PPCDC: variants seen among roughly 807,000 people sequenced by gnomAD.
The protein encoded by PPCDC is phosphopantothenoylcysteine decarboxylase.
Under a neutral mutation model 20.7 loss-of-function variants are expected in PPCDC, and 20 were observed. That is an observed-to-expected ratio of 0.97 (90% CI 0.68 to 1.41). PPCDC has a LOEUF of 1.41. Ranked by LOEUF, PPCDC falls within the 40% of genes most tolerant of loss-of-function variation. The pLI is 0.00. For missense variants in PPCDC, 246 were observed against 263.8 expected (o/e 0.93, Z 0.47); for synonymous variants, 88 against 100.3 (o/e 0.88, Z 0.73).
chr15:75,027,655 C>T (rs890267160), intron 1 of PPCDC, among the ~76,000 whole-genome samples: 2 of 152,200 alleles, frequency 1.3e-5, no homozygotes, highest in Non-Finnish European at 2.9e-5. Flanking sequence ...CAGCTCCTCT[C>T]GCCCTCCAGT....
intron 4 of PPCDC, among the ~76,000 whole-genome samples, chr15:75,045,517 T>G (rs1195499951): frequency 6.6e-6 from 1 of 152,180 alleles, no homozygotes; most frequent in East Asian, 1.9e-4. Flanking sequence ...TTTCAGAGTT[T>G]CATGTGGTGA....
At chr15:75,044,634 G>A (rs190526702) in intron 4 of PPCDC, 120 bp downstream of exon 4, 11 of 1,344,316 alleles carry the variant, frequency 8.2e-6, no homozygotes, top group South Asian at 2.9e-5. Context: ...CAGGGAGATC[G>A]TGCTCCGCCA....
At chr15:75,038,217 C>T (rs1270937320) in intron 2 of PPCDC, among the ~76,000 whole-genome samples, 3 of 152,234 alleles carry the variant, frequency 2.0e-5, no homozygotes, top group Non-Finnish European at 1.5e-5. Context: ...GAAAGAGTTT[C>T]TTCTTGGTTC....
chr15:75,025,944 A>G (rs1011877000), intron 1 of PPCDC, among the ~76,000 whole-genome samples: 1 of 152,138 alleles, frequency 6.6e-6, no homozygotes, highest in African/African-American at 2.4e-5. Context: ...ACATACACAC[A>G]CACACCCTCT....
chr15:75,036,120 A>C (rs1424136118), intron 2 of PPCDC, among the ~76,000 whole-genome samples: 4 of 152,208 alleles, frequency 2.6e-5, no homozygotes, highest in African/African-American at 9.6e-5. Flanking sequence ...GTGTAAGAGA[A>C]AGCCAAGGAA....
intron 2 of PPCDC, 65 bp downstream of exon 2, chr15:75,028,518 GC>G: frequency 6.3e-7 from 1 of 1,594,712 alleles, no homozygotes; most frequent in Non-Finnish European, 8.6e-7. Flanking sequence ...CCCGGGGATG[GC>G]CCATTGCTCT....
At chr15:75,026,032 G>A (rs1398085542) in intron 1 of PPCDC, among the ~76,000 whole-genome samples, 1 of 152,160 alleles carries the variant, frequency 6.6e-6, no homozygotes, top group Non-Finnish European at 1.5e-5. Context: ...GGACTATAGT[G>A]CCTGCTGTGG....
intron 2 of PPCDC, among the ~76,000 whole-genome samples, chr15:75,041,834 G>A (rs746473739): frequency 3.9e-5 from 6 of 152,144 alleles, no homozygotes; most frequent in Non-Finnish European, 8.8e-5. Context: ...GCGCTGTGCC[G>A]CTGTGTCATC....
chr15:75,043,016 G>C (rs915199332), intron 2 of PPCDC, among the ~76,000 whole-genome samples: 2 of 152,278 alleles, frequency 1.3e-5, no homozygotes, highest in African/African-American at 4.8e-5. Flanking sequence ...AGAGGGCAGA[G>C]CTGCTGTGTG....
intron 2 of PPCDC, among the ~76,000 whole-genome samples, chr15:75,036,867 T>C (rs2066091370): frequency 6.6e-6 from 1 of 152,120 alleles, no homozygotes; most frequent in African/African-American, 2.4e-5. Flanking sequence ...GAAGGAGTTT[T>C]GCCCTGTTGC....
rs74831578 is a variant in PPCDC, at chr15:75,043,521, C to T, written c.216C>T (p.Asp72=). The T allele has an allele frequency of 1.2e-4, 201 of 1,610,414 alleles. 1 individual carries two copies. The East Asian group carries it at 2.5e-3, about 20-fold the overall frequency. The change falls in exon 3 of 6, where the codon GAC becomes GAT. Residue 72 remains aspartate (D), a synonymous_variant. Transcript: ENST00000342932. ...PQDIPVTLYS[D]ADEWEIWKSR... ...ACATTCCTGTCACCCTCTACAGCGA[C>T]GCTGATGAATGGGAGGTCAGTGCTG... is the stretch of plus-strand genomic sequence containing the variant.
At chr15:75,041,776 GTCT>G (rs1203866954) in intron 2 of PPCDC, among the ~76,000 whole-genome samples, 1 of 152,206 alleles carries the variant, frequency 6.6e-6, no homozygotes, top group Non-Finnish European at 1.5e-5. Flanking sequence ...TTCTTCCTCA[GTCT>G]TCTTCTCTGA....
chr15:75,049,033 C>A, intron 5 of PPCDC, 117 bp from the exon 6 acceptor site: 1 of 1,008,340 alleles, frequency 9.9e-7, no homozygotes, highest in Non-Finnish European at 1.5e-6. Flanking sequence ...CAGGCAAAGA[C>A]AGACCTTGCC....
Position 75,045,750 on chromosome 15 carries a change from A to G in PPCDC, c.360+1236A>G, listed in dbSNP as rs550757451. Among the ~76,000 whole-genome samples, 45 of 152,220 alleles carry G rather than the reference A, an allele frequency of 3.0e-4. 1 individual carries two copies. The South Asian group carries it at 4.1e-3, about 14-fold the overall frequency. On this transcript the variant is annotated intron_variant, in intron 4 of 5. Coordinates refer to ENST00000342932, the MANE Select transcript of PPCDC (RefSeq NM_021823.5). ...GAGCCTGGGTGCAATGTCATCAAGA[A>G]GGCTTTCCCTATAGTCCCAGCTACT...
In PPCDC at chr15:75,044,445, C is replaced by G; in HGVS notation, c.291C>G (p.Leu97=). The change falls in exon 4 of 6, where the codon CTC becomes CTG. Residue 97 remains leucine (L), a synonymous_variant. Transcript: ENST00000342932. ...TTGACCTGCGGAGGTGGGCAGACCT[C>G]CTGCTGGTGGCTCCTCTTGATGCCA... ...LHIDLRRWAD[L]LLVAPLDANT... is the part of the protein sequence containing the mutation. 1.2e-5 allele frequency: 19 copies of G among 1,614,226 alleles called. No individual in the cohort carries two copies. The highest frequency in any genetic ancestry group is 1.5e-5 in the Non-Finnish European group (18 of 1,180,022).
At position 75,043,535 on chromosome 15, in the gene PPCDC, A is replaced by C; in HGVS notation, c.230A>C (p.Glu77Ala). Residue 77 changes from glutamate (E) to alanine (A), a missense_variant and splice_region_variant, in exon 3 of 6, where the codon GAG becomes GCG. By Grantham distance (107) the Glu-to-Ala change is moderately radical. This residue lies in a region of PPCDC where 225 missense variants were observed against 222.6 expected (regional missense o/e 1.01). Transcript: ENST00000342932. ...CTCTACAGCGACGCTGATGAATGGGAGGTCAGTGCTGGGGCCCCTGGGCTG... is the reference window on the plus strand; with the variant it reads ...CTCTACAGCGACGCTGATGAATGGGCGGTCAGTGCTGGGGCCCCTGGGCTG... ...VTLYSDADEWEIWKSRSDPVL... is the reference protein window; with the variant it reads ...VTLYSDADEWAIWKSRSDPVL... 6.2e-7 allele frequency: 1 copy of C among 1,606,934 alleles called. No individual in the cohort carries two copies. Among genetic ancestry groups the C allele is most frequent in the East Asian group, 2.2e-5 (1 of 44,666 alleles).
chr15:75,043,885 G>T (rs1227853927), intron 3 of PPCDC, among the ~76,000 whole-genome samples: 1 of 152,174 alleles, frequency 6.6e-6, no homozygotes, highest in African/African-American at 2.4e-5. Flanking sequence ...ACTTCCCACG[G>T]CCGCCGGGCT....
At chr15:75,032,735 C>CCCCG (rs376059095) in intron 2 of PPCDC, among the ~76,000 whole-genome samples, 1 of 136,388 alleles carries the variant, frequency 7.3e-6, no homozygotes, top group Non-Finnish European at 1.6e-5. Flanking sequence ...CCCCCCCCCC[C>CCCCG]AAGGCCAAAT....
chr15:75,032,867 C>A (rs1460556470), intron 2 of PPCDC, among the ~76,000 whole-genome samples: 1 of 152,114 alleles, frequency 6.6e-6, no homozygotes, highest in Non-Finnish European at 1.5e-5. Flanking sequence ...GTGGTGTGAT[C>A]ACTGCTCACT....
Sources: gnomAD v4.1 joint callset for allele counts (sites outside exome capture counted in the v4.1 genomes callset) on GRCh38, gnomAD v4.1.1 for gene constraint, gnomAD v4.1.1 regional missense constraint, MANE v1.5 for transcripts, NCBI Gene and HGNC (gene_info 2026-07-23, HGNC 2026-07-21) for gene names.